Variants in FRY observed in about 807,000 individuals in gnomAD.
The protein encoded by FRY is FRY microtubule binding protein.
Under a neutral mutation model 348.4 loss-of-function variants are expected in FRY, and 128 were observed. That is an observed-to-expected ratio of 0.37 (90% CI 0.32 to 0.43). The LOEUF (loss-of-function observed/expected upper bound fraction) is 0.43. FRY is among the 20% of genes least tolerant of loss of function. The pLI is 1.00. For synonymous variants in FRY, 1,370 were observed against 1,374.7 expected, an observed-to-expected ratio of 1.00 and a Z score of 0.08; for missense variants, 2,736 against 3,695.2, an observed-to-expected ratio of 0.74 and a Z score of 6.73.
intron 1 of FRY, among the ~76,000 whole-genome samples, chr13:32,061,673 A>G (rs1171966163): frequency 6.6e-6 from 1 of 152,208 alleles, no homozygotes; most frequent in East Asian, 1.9e-4. Context: ...CTTGTTCAAC[A>G]TGTAAAAGAT....
In FRY at chr13:32,276,542, A is replaced by T; in HGVS notation, c.8365A>T (p.Arg2789Trp). Reference protein sequence around the residue: ...LQEYLDTYNNRKEATLSWLAN... With the variant: ...LQEYLDTYNNWKEATLSWLAN... Reference sequence around the variant, plus strand: ...AGAATATTTGGATACCTACAACAACAGGAAAGAGGCCACACTCTCTGTAAG... The same window carrying T: ...AGAATATTTGGATACCTACAACAACTGGAAAGAGGCCACACTCTCTGTAAG... The change falls in exon 57 of 61, where the codon AGG (arginine) becomes TGG (tryptophan). Residue 2789 changes from arginine (R) to tryptophan (W), a missense_variant. This residue lies in a region of FRY where 789 missense variants were observed against 996.2 expected (regional missense o/e 0.79). Coordinates refer to ENST00000542859, the MANE Select transcript of FRY (RefSeq NM_023037.3). The T allele has an allele frequency of 6.3e-7, 1 of 1,584,312 alleles. No homozygotes were observed. The highest frequency in any genetic ancestry group is 8.7e-7 in the Non-Finnish European group (1 of 1,152,764).
At chr13:32,200,639 A>C (rs1883965377) in intron 29 of FRY, among the ~76,000 whole-genome samples, 1 of 152,242 alleles carries the variant, frequency 6.6e-6, no homozygotes, top group Admixed American at 6.5e-5. Flanking sequence ...TTTTCTACTT[A>C]CGACTTCTTT....
At chr13:32,125,860 G>A (rs1878987093) in intron 7 of FRY, among the ~76,000 whole-genome samples, 1 of 152,008 alleles carries the variant, frequency 6.6e-6, no homozygotes, top group South Asian at 2.1e-4. Context: ...AGGAGGAACG[G>A]GAACTTCCAG....
intron 3 of FRY, among the ~76,000 whole-genome samples, chr13:32,111,786 TC>T (rs533809115): frequency 7.9e-5 from 12 of 152,272 alleles, no homozygotes; most frequent in African/African-American, 2.9e-4. Context: ...TGGTTGAGGA[TC>T]CTGAGTTAAT....
At position 32,292,608 on chromosome 13, in the gene FRY, A is replaced by G. The variant is rs533791909; in HGVS notation, c.8581-1760A>G. Among the ~76,000 whole-genome samples, 6 of 151,886 alleles carry G rather than the reference A, an allele frequency of 4.0e-5. No homozygotes were observed. The East Asian group carries it at 1.2e-3, about 30-fold the overall frequency. On this transcript the variant is annotated intron_variant, in intron 59 of 60. Transcript: ENST00000542859. ...GGAGATTGAGATCATCTTGGCCAAC[A>G]TGGTGAAACCCTGCCTCTACTAAAA...
In FRY at chr13:32,174,095, A is replaced by G. The variant is rs1882245867; in HGVS notation, c.2334+546A>G. ...GCTAAATGCCATACACCTTGTTCAG[A>G]GAAAACACTTATTGCTATCTTGCAA... On this transcript the variant is annotated intron_variant, in intron 19 of 60. Transcript: ENST00000542859. Among the ~76,000 whole-genome samples the G allele has an allele frequency of 2.0e-5, 3 of 152,380 alleles. No individual in the cohort carries two copies. The South Asian group carries it at 6.2e-4, about 32-fold the overall frequency.
At chr13:32,211,330 G>A (rs376504838) in intron 34 of FRY, among the ~76,000 whole-genome samples, 35 of 152,272 alleles carry the variant, frequency 2.3e-4, no homozygotes, top group African/African-American at 4.8e-4. Context: ...GTGGTGGCAC[G>A]CGCCAGTACT....
At chr13:32,204,473 G>A (rs1180932502) in intron 31 of FRY, among the ~76,000 whole-genome samples, 1 of 152,168 alleles carries the variant, frequency 6.6e-6, no homozygotes, top group Non-Finnish European at 1.5e-5. Context: ...GGGAAAAAAA[G>A]CTCCTTTTCT....
chr13:32,287,565 AG>A (rs1889139997), intron 58 of FRY, among the ~76,000 whole-genome samples: 1 of 152,264 alleles, frequency 6.6e-6, no homozygotes, highest in Admixed American at 6.5e-5. Context: ...AAGCAATAAA[AG>A]CTTTGATTTT....
Position 32,096,868 on chromosome 13 carries a change from C to T in FRY, c.271-5095C>T, listed in dbSNP as rs188084304. Among the ~76,000 whole-genome samples, 12 of 146,706 alleles carry T rather than the reference C, an allele frequency of 8.2e-5. No individual in the cohort carries two copies. The East Asian group carries it at 2.4e-3, about 30-fold the overall frequency. On this transcript the variant is annotated intron_variant, in intron 2 of 60. Transcript: ENST00000542859. ...AAAATAGTTAAGGAAAACTTAGCAA[C>T]TTAGCATGTTATTTTATTGCAGCAT...
intron 55 of FRY, among the ~76,000 whole-genome samples, chr13:32,271,456 C>T (rs1421406186): frequency 1.3e-5 from 2 of 152,204 alleles, no homozygotes; most frequent in South Asian, 4.1e-4. Flanking sequence ...GCTGCTCTTC[C>T]CTATGGTCAT....
intron 53 of FRY, among the ~76,000 whole-genome samples, chr13:32,263,151 T>C (rs1228437048): frequency 6.6e-6 from 1 of 152,258 alleles, no homozygotes; most frequent in Non-Finnish European, 1.5e-5. Context: ...CAGTATAGAA[T>C]TGTATTTCCT....
intron 36 of FRY, among the ~76,000 whole-genome samples, chr13:32,223,298 G>A (rs908539429): frequency 1.3e-5 from 2 of 152,108 alleles, no homozygotes; most frequent in Non-Finnish European, 2.9e-5. Flanking sequence ...TGGAGGAAAA[G>A]CAAATTTTCA....
intron 2 of FRY, among the ~76,000 whole-genome samples, chr13:32,090,666 A>G (rs1184984008): frequency 1.3e-5 from 2 of 152,348 alleles, no homozygotes; most frequent in African/African-American, 4.8e-5. Flanking sequence ...CCAGAAACAA[A>G]CAAATGAAGG....
intron 7 of FRY, among the ~76,000 whole-genome samples, chr13:32,127,751 C>G (rs1268841127): frequency 2.0e-5 from 3 of 151,940 alleles, no homozygotes; most frequent in African/African-American, 7.3e-5. Context: ...TACACTCCAG[C>G]CTGGGTGACA....
chr13:32,046,382 A>T (rs1454109035), intron 1 of FRY, among the ~76,000 whole-genome samples: 4 of 152,122 alleles, frequency 2.6e-5, no homozygotes, highest in Admixed American at 2.0e-4. Context: ...GTGCTAAGTT[A>T]ATGCCAAAAG....
chr13:32,274,913 C>T lies in FRY; in HGVS notation c.8208C>T (p.Ile2736=), dbSNP rs756328216. ...ASYLGDNLRG[I]GSKFVSSSQM... ...ACCTTGGAGATAACCTCCGGGGAAT[C>T]GGATCCAAATTTGTCAGCTCTTCCC... Residue 2736 remains isoleucine, a synonymous_variant, in exon 56 of 61, where the codon ATC becomes ATT. Transcript: ENST00000542859. 6 of 1,612,566 alleles carry T rather than the reference C, an allele frequency of 3.7e-6. No homozygotes were observed. In the Admixed American group the frequency reaches 5.0e-5, roughly 13 times the overall value.
intron 57 of FRY, among the ~76,000 whole-genome samples, chr13:32,277,371 A>G (rs139269352): frequency 1.4e-4 from 22 of 152,352 alleles, no homozygotes; most frequent in African/African-American, 4.8e-4. Context: ...TATAACAATT[A>G]TAATAGTCAT....
In FRY at chr13:32,225,932, C is replaced by G. The variant is rs777324005; in HGVS notation, c.5164C>G (p.Leu1722Val). The G allele has an allele frequency of 1.9e-6, 3 of 1,614,204 alleles. No individual in the cohort carries two copies. The highest frequency in any genetic ancestry group is 2.5e-6 in the Non-Finnish European group (3 of 1,180,036). The change falls in exon 39 of 61, where the codon CTA (leucine) becomes GTA (valine). Residue 1722 changes from leucine to valine, a missense_variant. By Grantham distance (32) the Leu-to-Val change is conservative (BLOSUM62 1). Transcript: ENST00000542859. ...QTREMGEAKT[L>V]TVQPAYQPEY... ...CCGAGAGATGGGTGAAGCTAAGACT[C>G]TAACCGTGCAGCCAGCCTACCAACC...
Sources: gnomAD v4.1 joint callset for allele counts (sites outside exome capture counted in the v4.1 genomes callset) on GRCh38, gnomAD v4.1.1 for gene constraint, gnomAD v4.1.1 regional missense constraint, MANE v1.5 for transcripts, NCBI Gene and HGNC (gene_info 2026-07-23, HGNC 2026-07-21) for gene names.